DTD1: variants seen among roughly 807,000 people sequenced by gnomAD.
The protein encoded by DTD1 is D-tyrosyl-tRNA deacylase 1 homolog.
In DTD1, 13 loss-of-function variants were observed where a neutral mutation model predicts 25.6. That is an observed-to-expected ratio of 0.51 (90% CI 0.33 to 0.81). The LOEUF is 0.81. DTD1 is among the 30% of genes least tolerant of loss of function. The pLI is 0.02. For missense variants in DTD1, 193 were observed against 266.4 expected (o/e 0.72, Z 1.92); for synonymous variants, 110 against 103.6 (o/e 1.06, Z -0.37).
At chr20:18,740,458 G>A (rs929783811) in intron 4 of DTD1, among the ~76,000 whole-genome samples, 1 of 151,304 alleles carries the variant, frequency 6.6e-6, no homozygotes, top group African/African-American at 2.4e-5. Context: ...ATATGTGTAT[G>A]CATCTACACA....
chr20:18,734,323 C>A (rs2061248468), intron 4 of DTD1, among the ~76,000 whole-genome samples: 1 of 152,182 alleles, frequency 6.6e-6, no homozygotes, highest in Non-Finnish European at 1.5e-5. Context: ...CAAGAGATGT[C>A]CCACTTCTGA....
chr20:18,731,615 A>T (rs949359897), intron 4 of DTD1, among the ~76,000 whole-genome samples: 1 of 152,022 alleles, frequency 6.6e-6, no homozygotes, highest in Non-Finnish European at 1.5e-5. Context: ...AACTTTTGCT[A>T]TTTCTTGATT....
Position 18,758,165 on chromosome 20 carries a change from CTTCT to C in DTD1, c.*20-5192_*20-5189del, listed in dbSNP as rs1165974765. 9.9e-5 allele frequency among the ~76,000 whole-genome samples: 15 copies of C among 151,840 alleles called. No individual in the cohort carries two copies. In the South Asian group the frequency reaches 2.1e-3, roughly 21 times the overall value. On this transcript the variant is annotated intron_variant, in intron 5 of 5. Coordinates refer to ENST00000377452, the MANE Select transcript of DTD1 (RefSeq NM_080820.6). ...CATCTATTTGATTCTTCTCTTTTTT[CTTCT>C]TTATTAGTCTTGCTAGCGGTCTATC...
intron 3 of DTD1, among the ~76,000 whole-genome samples, chr20:18,617,653 G>A (rs192469611): frequency 9.6e-4 from 146 of 152,162 alleles, no homozygotes; most frequent in Middle Eastern, 3.4e-3. Context: ...GCTCTCATTC[G>A]TGTCTCTGTC....
intron 3 of DTD1, chr20:18,611,034 C>T (rs1568644872): frequency 6.6e-6 from 1 of 152,176 alleles, no homozygotes. Context: ...TTTCTTATTC[C>T]CCTAATAAGA....
At chr20:18,633,394 C>T (rs990055490) in intron 4 of DTD1, among the ~76,000 whole-genome samples, 26 of 152,182 alleles carry the variant, frequency 1.7e-4, no homozygotes, top group African/African-American at 5.3e-4. Context: ...GAAGCCCCTT[C>T]GGCTACTCTA....
chr20:18,718,959 T>G (rs1299615171), intron 4 of DTD1, among the ~76,000 whole-genome samples: 1 of 152,208 alleles, frequency 6.6e-6, no homozygotes. Flanking sequence ...ACCTTTGTCC[T>G]TCCTTGGGGG....
chr20:18,658,330 CT>C (rs1401329441), intron 4 of DTD1, among the ~76,000 whole-genome samples: 166 of 140,612 alleles, frequency 1.2e-3, no homozygotes, highest in Non-Finnish European at 1.1e-3. Context: ...TACTTAATTT[CT>C]TTTTTTTTTT....
chr20:18,642,074 A>G (rs1452872192), intron 4 of DTD1, among the ~76,000 whole-genome samples: 6 of 152,186 alleles, frequency 3.9e-5, no homozygotes, highest in Admixed American at 1.3e-4. Context: ...TTACTTGCAG[A>G]CAGGTTGGGA....
chr20:18,724,498 T>G (rs377376127), intron 4 of DTD1, among the ~76,000 whole-genome samples: 3 of 152,186 alleles, frequency 2.0e-5, no homozygotes, highest in Non-Finnish European at 4.4e-5. Context: ...TTTTCAAAAA[T>G]TGGCTCATAC....
At chr20:18,748,907 A>G (rs1201705166) in intron 5 of DTD1, among the ~76,000 whole-genome samples, 1 of 148,406 alleles carries the variant, frequency 6.7e-6, no homozygotes, top group Non-Finnish European at 1.5e-5. Flanking sequence ...AGCAGACCCC[A>G]CGGGAAGTGT....
rs117927229 is a variant in DTD1 at position 18,761,200 on chromosome 20, C to T, written c.*20-2160C>T. 6.0e-3 allele frequency among the ~76,000 whole-genome samples: 911 copies of T among 152,206 alleles called. 7 individuals carry two copies. Among genetic ancestry groups the T allele is most frequent in the Non-Finnish European group, 9.7e-3 (662 of 67,990 alleles). ...GCGCTTCCCGGGCGAGGCGATGCCTCGCCCTGCTCGGTGTGCTGCAGCTAC... is the reference window on the plus strand; with the variant it reads ...GCGCTTCCCGGGCGAGGCGATGCCTTGCCCTGCTCGGTGTGCTGCAGCTAC... On this transcript the variant is annotated intron_variant, in intron 5 of 5. Coordinates refer to ENST00000377452, the MANE Select transcript of DTD1 (RefSeq NM_080820.6).
At position 18,634,339 on chromosome 20, in the gene DTD1, G is replaced by T. The variant is rs543293208; in HGVS notation, c.477+6106G>T. Among the ~76,000 whole-genome samples, 160 of 152,306 alleles carry T rather than the reference G, an allele frequency of 1.1e-3. 1 individual carries two copies. The highest frequency in any genetic ancestry group is 1.3e-3 in the Non-Finnish European group (91 of 68,026). ...TGAGAAGGGCCATTGGTAATTGAAGGACTCTTCCCTGGGGCCTAGGGCCCA... is the reference window on the plus strand; with the variant it reads ...TGAGAAGGGCCATTGGTAATTGAAGTACTCTTCCCTGGGGCCTAGGGCCCA... On this transcript the variant is annotated intron_variant, in intron 4 of 5. Coordinates refer to ENST00000377452, the MANE Select transcript of DTD1 (RefSeq NM_080820.6).
chr20:18,669,883 T>C (rs1241386428), intron 4 of DTD1, among the ~76,000 whole-genome samples: 7 of 152,128 alleles, frequency 4.6e-5, no homozygotes, highest in Admixed American at 1.3e-4. Context: ...TCCAGTTCCA[T>C]TGGGGGTAAA....
At chr20:18,615,480 C>T (rs2122285904) in intron 3 of DTD1, among the ~76,000 whole-genome samples, 1 of 152,278 alleles carries the variant, frequency 6.6e-6, no homozygotes, top group South Asian at 2.1e-4. Context: ...CCAGCCTTCA[C>T]ATGAATGCTG....
intron 4 of DTD1, among the ~76,000 whole-genome samples, chr20:18,718,299 C>A (rs1433726362): frequency 6.6e-6 from 1 of 152,180 alleles, no homozygotes; most frequent in Non-Finnish European, 1.5e-5. Flanking sequence ...ACCACTAGGA[C>A]TGTGTGACCA....
At chr20:18,715,451 T>A (rs910202124) in intron 4 of DTD1, among the ~76,000 whole-genome samples, 5 of 152,170 alleles carry the variant, frequency 3.3e-5, no homozygotes, top group African/African-American at 1.2e-4. Context: ...CTAAGTGGTG[T>A]CTGGCCGTGT....
intron 4 of DTD1, among the ~76,000 whole-genome samples, chr20:18,684,564 G>A (rs2061009540): frequency 6.6e-6 from 1 of 152,104 alleles, no homozygotes; most frequent in Non-Finnish European, 1.5e-5. Flanking sequence ...TGGGATTACA[G>A]GTGTGAGCCC....
At chr20:18,673,015 C>G (rs1273319338) in intron 4 of DTD1, among the ~76,000 whole-genome samples, 1 of 152,128 alleles carries the variant, frequency 6.6e-6, no homozygotes, top group African/African-American at 2.4e-5. Context: ...ACGGTGGTGG[C>G]TGGGTACATA....
Sources: gnomAD v4.1 joint callset for allele counts (sites outside exome capture counted in the v4.1 genomes callset) on GRCh38, gnomAD v4.1.1 for gene constraint, MANE v1.5 for transcripts, NCBI Gene and HGNC (gene_info 2026-07-23, HGNC 2026-07-21) for gene names.